MAPK11: variants seen among roughly 807,000 people sequenced by gnomAD.
The protein encoded by MAPK11 is mitogen-activated protein kinase 11, also known as MAP kinase 11.
Under a neutral mutation model 52.2 loss-of-function variants are expected in MAPK11, and 44 were observed. The ratio of observed to expected loss-of-function variants is 0.84; its 90% CI spans 0.66 to 1.08. MAPK11 has a LOEUF of 1.08. MAPK11 is among the 50% of genes least tolerant of loss of function. The probability of loss-of-function intolerance (pLI) is 0.00; values close to 1 mark genes in which losing one functional copy is unlikely to be tolerated. For synonymous variants in MAPK11, 233 were observed against 206.3 expected (o/e 1.13, Z -1.11); for missense variants, 436 against 494.7 (o/e 0.88, Z 1.13).
intron 3 of MAPK11, 21 bp downstream of exon 3, chr22:50,267,548 C>T: frequency 3.2e-6 from 5 of 1,543,652 alleles, no homozygotes; most frequent in Non-Finnish European, 4.4e-6. Context: ...TCCCCGCTGC[C>T]TCGCCCGCCC....
intron 1 of MAPK11, among the ~76,000 whole-genome samples, chr22:50,268,547 G>C (rs1055353260): frequency 2.6e-5 from 4 of 152,150 alleles, no homozygotes; most frequent in African/African-American, 9.7e-5. Context: ...ACAGCCCTTC[G>C]CCCAGCCCCA....
Position 50,265,025 on chromosome 22 carries a change from G to A in MAPK11, c.1018C>T (p.Leu340Phe). ...KERTLEEWKE[L>F]TYQEVLSFKP... ...AAGCTGAGGACTTCCTGGTAAGTGAGCTCTAGGAGGTGAAGGGAAAGGGTG... is the reference window on the plus strand; with the variant it reads ...AAGCTGAGGACTTCCTGGTAAGTGAACTCTAGGAGGTGAAGGGAAAGGGTG... The change falls in exon 12 of 12, where the codon CTC becomes TTC. Residue 340 changes from leucine to phenylalanine, a missense_variant and splice_region_variant. Coordinates refer to ENST00000330651, the MANE Select transcript of MAPK11 (RefSeq NM_002751.7). The A allele has an allele frequency of 6.2e-7, 1 of 1,612,596 alleles. No individual in the cohort carries two copies. The highest frequency in any genetic ancestry group is 1.1e-5 in the South Asian group (1 of 90,948).
At position 50,265,629 on chromosome 22, in the gene MAPK11, A is replaced by G. The variant is rs1413972922; in HGVS notation, c.794T>C (p.Met265Thr). The change falls in exon 10 of 12, where the codon ATG becomes ACG. Residue 265 changes from methionine to threonine, a missense_variant. Coordinates refer to ENST00000330651, the MANE Select transcript of MAPK11 (RefSeq NM_002751.7). Reference sequence around the variant, plus strand: ...GATGCTGCTCAGGTCCTTCTGGGGCATGGGGGGCAGGGACTGGATATATGT... The same window carrying G: ...GATGCTGCTCAGGTCCTTCTGGGGCGTGGGGGGCAGGGACTGGATATATGT... ...ARTYIQSLPP[M>T]PQKDLSSIFR... is the part of the protein sequence containing the mutation. The G allele has an allele frequency of 3.1e-6, 5 of 1,602,904 alleles. No individual in the cohort carries two copies. The highest frequency in any genetic ancestry group is 4.3e-6 in the Non-Finnish European group (5 of 1,174,332).
At chr22:50,267,677 T>C (rs2065275893) in intron 2 of MAPK11, 50 bp from the exon 3 acceptor site, 2 of 1,489,858 alleles carry the variant, frequency 1.3e-6, no homozygotes. Flanking sequence ...CGGCTGTCGT[T>C]CAGCTCCCCC....
At position 50,267,389 on chromosome 22, in the gene MAPK11, C is replaced by T. The variant is rs750605640; in HGVS notation, c.399G>A (p.Gln133=). 1 of 1,610,510 alleles carries T rather than the reference C, an allele frequency of 6.2e-7. No homozygotes were observed. Among genetic ancestry groups the T allele is most frequent in the South Asian group, 1.1e-5 (1 of 90,750 alleles). Residue 133 remains glutamine (Q), a synonymous_variant, in exon 4 of 12, where the codon CAG becomes CAA. Coordinates refer to ENST00000330651, the MANE Select transcript of MAPK11 (RefSeq NM_002751.7). ...SDEHVQFLVY[Q]LLRGLKYIHS... ...GCCCCACCTTCAGCCCGCGCAGCAG[C>T]TGGTAAACCAGGAATTGAACGTGCT...
Position 50,264,887 on chromosome 22 carries a change from G to T in MAPK11, c.*61C>A. 1.4e-6 allele frequency: 2 copies of T among 1,387,872 alleles called. No individual in the cohort carries two copies. Among genetic ancestry groups the T allele is most frequent in the Non-Finnish European group, 2.0e-6 (2 of 998,186 alleles). 86.0% of individuals were successfully genotyped at this position (1,387,872 alleles called of 1,614,324 possible). A position where few individuals can be genotyped will look rare whatever the true frequency, so the allele number is the denominator to read the frequency against. ...GGTGCCTCTCGAGGAAACCAGGCCA[G>T]CTGTGGAAGGGTGCAGGCCCAAGCC... On this transcript the variant is annotated 3_prime_UTR_variant, in exon 12 of 12. Coordinates refer to ENST00000330651, the MANE Select transcript of MAPK11 (RefSeq NM_002751.7).
chr22:50,265,107 G>C, intron 11 of MAPK11, 80 bp from the exon 12 acceptor site: 1 of 1,336,988 alleles, frequency 7.5e-7, no homozygotes, highest in Non-Finnish European at 1.1e-6. Context: ...CTGCCACCCA[G>C]CCCAGGCCCA....
Position 50,265,447 on chromosome 22 carries a change from C to T in MAPK11, c.889G>A (p.Val297Ile). The T allele has an allele frequency of 1.9e-6, 3 of 1,613,168 alleles. No individual in the cohort carries two copies. The highest frequency in any genetic ancestry group is 2.5e-6 in the Non-Finnish European group (3 of 1,180,000). ...RMLVLDSDQR[V>I]SAAEALAHAY... ...TGGGCCAGTGCCTCAGCTGCACTGA[C>T]CCTCTGGTCACTGTCCAGCACCAGC... The change falls in exon 11 of 12, where the codon GTC becomes ATC. Residue 297 changes from valine to isoleucine, a missense_variant. By Grantham distance (29) the Val-to-Ile change is conservative. Transcript: ENST00000330651.
Position 50,267,921 on chromosome 22 carries a change from T to G in MAPK11, c.145A>C (p.Lys49Gln), listed in dbSNP as rs762978721. ...CSAYDARLRQ[K>Q]VAVKKLSRPF... ...CGCGACAGCTTCTTCACCGCCACCTTCTGGCGCAGCCGGGCGTCGTAGGCC... is the reference window on the plus strand; with the variant it reads ...CGCGACAGCTTCTTCACCGCCACCTGCTGGCGCAGCCGGGCGTCGTAGGCC... The change falls in exon 2 of 12, where the codon AAG becomes CAG. Residue 49 changes from lysine to glutamine, a missense_variant. Physicochemically the swap from Lys to Gln is moderately conservative, Grantham distance 53. Transcript: ENST00000330651. 64 of 1,582,202 alleles carry G rather than the reference T, an allele frequency of 4.0e-5. No individual in the cohort carries two copies. The highest frequency in any genetic ancestry group is 5.3e-5 in the Non-Finnish European group (62 of 1,166,890).
At chr22:50,265,299 C>T (rs1330508827) in intron 11 of MAPK11, 22 bp downstream of exon 11, 11 of 1,611,012 alleles carry the variant, frequency 6.8e-6, no homozygotes, top group Non-Finnish European at 9.3e-6. Flanking sequence ...CTGGACCCAC[C>T]CCCAGCCACT....
chr22:50,267,348 C>T (rs774015366), intron 4 of MAPK11, 23 bp downstream of exon 4: 5 of 1,597,742 alleles, frequency 3.1e-6, no homozygotes, highest in Admixed American at 1.7e-5. Flanking sequence ...GCGAGAGGAC[C>T]CGCGAAGCCC....
chr22:50,266,661 C>T, intron 7 of MAPK11, 50 bp from the exon 8 acceptor site: 1 of 1,537,940 alleles, frequency 6.5e-7, no homozygotes, highest in South Asian at 1.2e-5. Flanking sequence ...CCACGTCCCT[C>T]CTCCAGGAGA....
chr22:50,266,163 C>A (rs2065260278), intron 9 of MAPK11, 63 bp downstream of exon 9: 17 of 1,361,604 alleles, frequency 1.2e-5, no homozygotes, highest in Non-Finnish European at 1.7e-5. Flanking sequence ...ACCACCCTCT[C>A]CCCCAGAGAG....
intron 5 of MAPK11, 31 bp downstream of exon 5, chr22:50,267,226 G>A (rs755430835): frequency 6.2e-7 from 1 of 1,608,654 alleles, no homozygotes; most frequent in African/African-American, 1.3e-5. Context: ...AGCCCTGCTG[G>A]ACCCGACCCT....
chr22:50,266,457 C>T (rs890039362), intron 8 of MAPK11, 83 bp downstream of exon 8: 2 of 1,432,802 alleles, frequency 1.4e-6, no homozygotes, highest in African/African-American at 1.4e-5. Flanking sequence ...GGAGGCAAGA[C>T]CCGCCAGAAG....
In MAPK11 at chr22:50,266,313, A is replaced by T; in HGVS notation, c.683-8T>A. The T allele has an allele frequency of 6.2e-7, 1 of 1,602,808 alleles. No homozygotes were observed. On this transcript the variant is annotated splice_polypyrimidine_tract_variant and splice_region_variant and intron_variant, in intron 8 of 11. Transcript: ENST00000330651. ...GCTTCAGCTGGTCAATGTCTGTGTC[A>T]CTCAGGAAACACCCACGGGCCAGCC...
rs372540728 is a variant in MAPK11, at chr22:50,266,529, G to A, written c.682+11C>T. ...TGTTTGACCCTGCTCCCCAACCTGG[G>A]CCAAGGATACAGTCGCTTCCCGGGA... On this transcript the variant is annotated intron_variant, in intron 8 of 11. Coordinates refer to ENST00000330651, the MANE Select transcript of MAPK11 (RefSeq NM_002751.7). The A allele has an allele frequency of 2.6e-6, 4 of 1,516,694 alleles. No individual in the cohort carries two copies. The African/African-American group carries it at 5.6e-5, about 21-fold the overall frequency. 94.0% of individuals were successfully genotyped at this position (1,516,694 alleles called of 1,614,324 possible).
In MAPK11 at chr22:50,267,912, C is replaced by G. The variant is rs1404911493; in HGVS notation, c.154G>C (p.Val52Leu). Reference protein sequence around the residue: ...YDARLRQKVAVKKLSRPFQSL... With the variant: ...YDARLRQKVALKKLSRPFQSL... ...TGGAAGGGGCGCGACAGCTTCTTCA[C>G]CGCCACCTTCTGGCGCAGCCGGGCG... The change falls in exon 2 of 12, where the codon GTG becomes CTG. Residue 52 changes from valine to leucine, a missense_variant. Coordinates refer to ENST00000330651, the MANE Select transcript of MAPK11 (RefSeq NM_002751.7). The G allele has an allele frequency of 6.3e-7, 1 of 1,585,398 alleles. No individual in the cohort carries two copies. Among genetic ancestry groups the G allele is most frequent in the Non-Finnish European group, 8.6e-7 (1 of 1,168,466 alleles).
Position 50,270,365 on chromosome 22 carries a change from G to C in MAPK11, c.-73C>G, listed in dbSNP as rs1383189132. ...CCCGCGCCCGAGCCGAGCCCGAGCC[G>C]AGCGGAGCGGAGGGCGGCGGAGGCG... On this transcript the variant is annotated 5_prime_UTR_variant, in exon 1 of 12. Transcript: ENST00000330651. This position sits in a 1 kb window ranked among gnomAD's most constrained non-coding sequence, Gnocchi z 6.3. 1 of 456,786 alleles carries C rather than the reference G, an allele frequency of 2.2e-6. No homozygotes were observed. 28.3% of individuals were successfully genotyped at this position (456,786 alleles called of 1,614,324 possible).
Sources: gnomAD v4.1 joint callset for allele counts (sites outside exome capture counted in the v4.1 genomes callset) on GRCh38, gnomAD v4.1.1 for gene constraint, Gnocchi (gnomAD v3.1) non-coding constraint, MANE v1.5 for transcripts, NCBI Gene and HGNC (gene_info 2026-07-23, HGNC 2026-07-21) for gene names.